Variants in AUTS2 observed in about 807,000 individuals in gnomAD.
The protein encoded by AUTS2 is autism susceptibility gene 2 protein.
A neutral mutation model predicts 112.4 loss-of-function variants in AUTS2; 17 were observed. The observed-to-expected ratio is 0.15, with a 90% CI of 0.10 to 0.23. The LOEUF is 0.23. AUTS2 is among the 10% of genes least tolerant of loss of function. The pLI is 1.00. For missense variants in AUTS2, 1,510 were observed against 1,701.6 expected (o/e 0.89, Z 1.98); for synonymous variants, 751 against 702.7 (o/e 1.07, Z -1.09).
chr7:70,649,594 T>A (rs1278705019), intron 5 of AUTS2, among the ~76,000 whole-genome samples: 3 of 151,944 alleles, frequency 2.0e-5, no homozygotes, highest in Non-Finnish European at 4.4e-5. Flanking sequence ...AGTAGTGCGA[T>A]CTTGGCTTGC....
intron 4 of AUTS2, among the ~76,000 whole-genome samples, chr7:70,409,361 A>T (rs564757235): frequency 6.6e-6 from 1 of 152,078 alleles, no homozygotes; most frequent in South Asian, 2.1e-4. Context: ...GTGTGTATTT[A>T]TGTATGTATA....
intron 4 of AUTS2, among the ~76,000 whole-genome samples, chr7:70,229,824 C>T (rs1270549438): frequency 6.6e-6 from 1 of 152,114 alleles, no homozygotes; most frequent in Non-Finnish European, 1.5e-5. Context: ...ATTCTTTCTT[C>T]TGCCGTTCAA....
chr7:69,697,020 T>C (rs952933986), intron 1 of AUTS2, among the ~76,000 whole-genome samples: 3 of 152,234 alleles, frequency 2.0e-5, no homozygotes, highest in Non-Finnish European at 4.4e-5. Context: ...CTGTAACGTA[T>C]GTGTATGCAC....
intron 1 of AUTS2, among the ~76,000 whole-genome samples, chr7:69,703,738 TA>T (rs1193858342): frequency 8.5e-5 from 13 of 152,218 alleles, no homozygotes; most frequent in African/African-American, 2.9e-4. Context: ...TCAGAGATGT[TA>T]AATGCTAAAA....
At chr7:70,524,357 G>T (rs985488758) in intron 5 of AUTS2, among the ~76,000 whole-genome samples, 1 of 152,204 alleles carries the variant, frequency 6.6e-6, no homozygotes, top group African/African-American at 2.4e-5. Context: ...TAGTTGGTCA[G>T]GTATGTGTAT....
chr7:69,981,486 A>G (rs897144234), intron 2 of AUTS2, among the ~76,000 whole-genome samples: 1 of 152,184 alleles, frequency 6.6e-6, no homozygotes, highest in Non-Finnish European at 1.5e-5. Flanking sequence ...TTAATTTCTA[A>G]TGTTAATACC....
chr7:70,076,672 G>A (rs1803049187), intron 2 of AUTS2, among the ~76,000 whole-genome samples: 1 of 152,182 alleles, frequency 6.6e-6, no homozygotes, highest in Non-Finnish European at 1.5e-5. Flanking sequence ...GCCTGATGAA[G>A]AGAGAGATCA....
At chr7:70,066,516 C>G (rs1328940703) in intron 2 of AUTS2, among the ~76,000 whole-genome samples, 1 of 149,392 alleles carries the variant, frequency 6.7e-6, no homozygotes, top group Non-Finnish European at 1.5e-5. Context: ...TAAAATCTAA[C>G]TTTACAGATC....
At chr7:70,195,140 C>T (rs1402346376) in intron 4 of AUTS2, among the ~76,000 whole-genome samples, 1 of 152,108 alleles carries the variant, frequency 6.6e-6, no homozygotes, top group Non-Finnish European at 1.5e-5. Context: ...CCTGACGGTC[C>T]TTCCTCAATA....
At chr7:70,656,974 T>A (rs1339928198) in intron 5 of AUTS2, among the ~76,000 whole-genome samples, 2 of 152,216 alleles carry the variant, frequency 1.3e-5, no homozygotes, top group Non-Finnish European at 2.9e-5. Context: ...AGCAGTGGTT[T>A]TAGAGATGAG....
intron 1 of AUTS2, among the ~76,000 whole-genome samples, chr7:69,728,717 C>A (rs1328390729): frequency 7.4e-6 from 1 of 134,434 alleles, no homozygotes; most frequent in Admixed American, 7.7e-5. Flanking sequence ...CACACATTTT[C>A]CTCTTTGAAA....
At chr7:70,738,430 T>C (rs1787900949) in intron 6 of AUTS2, among the ~76,000 whole-genome samples, 1 of 151,720 alleles carries the variant, frequency 6.6e-6, no homozygotes, top group Non-Finnish European at 1.5e-5. Context: ...TTTTTTTTTT[T>C]TTACTTTTTG....
At chr7:70,422,469 T>C (rs1795262643) in intron 4 of AUTS2, among the ~76,000 whole-genome samples, 1 of 152,170 alleles carries the variant, frequency 6.6e-6, no homozygotes, top group African/African-American at 2.4e-5. Context: ...TAGGATTTAC[T>C]GTCACCTCAA....
chr7:69,798,465 A>G (rs1789944465), intron 1 of AUTS2, among the ~76,000 whole-genome samples: 1 of 151,824 alleles, frequency 6.6e-6, no homozygotes, highest in African/African-American at 2.4e-5. Context: ...ATTCAGTTTT[A>G]TTTCTAGGCA....
intron 5 of AUTS2, among the ~76,000 whole-genome samples, chr7:70,604,666 G>C (rs1037486072): frequency 6.6e-6 from 1 of 152,202 alleles, no homozygotes; most frequent in Non-Finnish European, 1.5e-5. Context: ...CACTATCCCT[G>C]CTCACCTCTG....
chr7:70,116,838 G>A (rs1438616102), intron 2 of AUTS2, among the ~76,000 whole-genome samples: 1 of 152,120 alleles, frequency 6.6e-6, no homozygotes, highest in African/African-American at 2.4e-5. Flanking sequence ...TTGTGGTGTT[G>A]TATTTGCTTA....
At chr7:69,637,540 A>C (rs548067381) in intron 1 of AUTS2, among the ~76,000 whole-genome samples, 1 of 152,318 alleles carries the variant, frequency 6.6e-6, no homozygotes, top group African/African-American at 2.4e-5. Flanking sequence ...ATCTTGACTA[A>C]TATGTGTTAT....
intron 6 of AUTS2, among the ~76,000 whole-genome samples, chr7:70,724,417 G>C (rs903516668): frequency 7.2e-6 from 1 of 139,808 alleles, no homozygotes; most frequent in African/African-American, 2.6e-5. Context: ...TTTATTTTTG[G>C]AAGAATGATT....
At chr7:69,902,572 C>T (rs1407731679) in intron 2 of AUTS2, among the ~76,000 whole-genome samples, 1 of 152,136 alleles carries the variant, frequency 6.6e-6, no homozygotes, top group East Asian at 1.9e-4. Flanking sequence ...CCTGAGCAGA[C>T]AACTTAATGC....
Sources: gnomAD v4.1 joint callset for allele counts (sites outside exome capture counted in the v4.1 genomes callset) on GRCh38, gnomAD v4.1.1 for gene constraint, MANE v1.5 for transcripts, NCBI Gene and HGNC (gene_info 2026-07-23, HGNC 2026-07-21) for gene names.